The following GFRAL variants were observed in gnomAD, a reference collection of about 807,000 sequenced individuals.
The protein encoded by GFRAL is GDNF family receptor alpha-like.
GFRAL carries 36 observed loss-of-function variants against 45.4 expected under a neutral mutation model. The ratio of observed to expected loss-of-function variants is 0.79; its 90% CI spans 0.61 to 1.05. GFRAL has a LOEUF of 1.05. GFRAL is among the 50% of genes least tolerant of loss of function. GFRAL has a pLI of 0.00. For synonymous variants in GFRAL, 166 were observed against 154.1 expected, an observed-to-expected ratio of 1.08 and a Z score of -0.57; for missense variants, 507 against 467.5, an observed-to-expected ratio of 1.08 and a Z score of -0.78.
intron 6 of GFRAL, among the ~76,000 whole-genome samples, chr6:55,373,865 C>A (rs1441266758): frequency 6.6e-6 from 1 of 151,988 alleles, no homozygotes; most frequent in Non-Finnish European, 1.5e-5. Context: ...TTAAGCCCAG[C>A]ATCCATTAGC....
At chr6:55,373,076 C>T (rs1014063723) in intron 6 of GFRAL, among the ~76,000 whole-genome samples, 3 of 141,426 alleles carry the variant, frequency 2.1e-5, no homozygotes, top group South Asian at 2.2e-4. Flanking sequence ...GTATCAGGGA[C>T]AGCAAAACCT....
chr6:55,379,930 C>T (rs1241823142), intron 6 of GFRAL, among the ~76,000 whole-genome samples: 3 of 151,878 alleles, frequency 2.0e-5, no homozygotes, highest in Non-Finnish European at 4.4e-5. Flanking sequence ...TGGCATTTTT[C>T]GTTCAGCACA....
At chr6:55,356,025 CTGAT>C (rs35821482) in intron 5 of GFRAL, among the ~76,000 whole-genome samples, 23,584 of 151,650 alleles carry the variant, frequency 0.16, 2,878 homozygotes, top group East Asian at 0.39. Flanking sequence ...ATGTATCAAA[CTGAT>C]TGATTTTCAT....
At chr6:55,368,985 C>CGGCT (rs1004727221) in intron 6 of GFRAL, among the ~76,000 whole-genome samples, 36 of 152,022 alleles carry the variant, frequency 2.4e-4, no homozygotes, top group Non-Finnish European at 2.4e-4. Context: ...TGGAGCTTCC[C>CGGCT]GGCTGCTTTG....
At chr6:55,368,939 G>T (rs1205583454) in intron 6 of GFRAL, among the ~76,000 whole-genome samples, 4 of 152,100 alleles carry the variant, frequency 2.6e-5, no homozygotes, top group Admixed American at 6.6e-5. Flanking sequence ...ACAGAGGCAG[G>T]CAGGCCTCCT....
At chr6:55,342,576 C>A (rs187237451) in intron 3 of GFRAL, among the ~76,000 whole-genome samples, 1 of 152,196 alleles carries the variant, frequency 6.6e-6, no homozygotes, top group East Asian at 1.9e-4. Flanking sequence ...AAACTCATGC[C>A]AAATTGTAAA....
At chr6:55,329,274 G>A (rs1442654386) in intron 1 of GFRAL, among the ~76,000 whole-genome samples, 3 of 151,962 alleles carry the variant, frequency 2.0e-5, no homozygotes, top group Non-Finnish European at 4.4e-5. Context: ...CTATTAAGAA[G>A]CTTGTTCAAC....
chr6:55,340,774 C>T (rs907514317), intron 3 of GFRAL, among the ~76,000 whole-genome samples: 2 of 152,138 alleles, frequency 1.3e-5, no homozygotes, highest in Admixed American at 6.5e-5. Context: ...CCTTTACTAG[C>T]CAAGGGAAGT....
At chr6:55,335,896 T>G (rs1351692900) in intron 3 of GFRAL, among the ~76,000 whole-genome samples, 1 of 1,206 alleles carries the variant, frequency 8.3e-4, no homozygotes, top group Non-Finnish European at 6.3e-3. Flanking sequence ...TTTCTTTGTC[T>G]TTATTTTATT....
chr6:55,383,418 C>T (rs913729933), intron 6 of GFRAL, among the ~76,000 whole-genome samples: 7 of 151,930 alleles, frequency 4.6e-5, no homozygotes, highest in African/African-American at 1.7e-4. Flanking sequence ...AAAATTATAA[C>T]ATCGTATTTT....
intron 3 of GFRAL, among the ~76,000 whole-genome samples, chr6:55,341,084 T>C (rs114260248): frequency 0.063 from 9,629 of 152,260 alleles, 336 homozygotes; most frequent in South Asian, 0.17. Flanking sequence ...ATCTGTAGAC[T>C]CCACCTCTGT....
chr6:55,382,984 T>C (rs1309343592), intron 6 of GFRAL, among the ~76,000 whole-genome samples: 1 of 151,940 alleles, frequency 6.6e-6, no homozygotes, highest in Non-Finnish European at 1.5e-5. Context: ...ACATGTAATA[T>C]GGGTAGAAAA....
chr6:55,378,116 G>A (rs1369051600), intron 6 of GFRAL, among the ~76,000 whole-genome samples: 8 of 152,054 alleles, frequency 5.3e-5, no homozygotes, highest in Non-Finnish European at 1.0e-4. Context: ...GTATGCATGA[G>A]TGCTGAGTGG....
At chr6:55,340,610 G>A (rs186058120) in intron 3 of GFRAL, among the ~76,000 whole-genome samples, 34 of 152,226 alleles carry the variant, frequency 2.2e-4, no homozygotes, top group Non-Finnish European at 5.9e-5. Flanking sequence ...TGCAGAAGAC[G>A]AGTGATTTCC....
At chr6:55,398,466 T>A (rs922021187) in intron 6 of GFRAL, among the ~76,000 whole-genome samples, 1 of 152,226 alleles carries the variant, frequency 6.6e-6, no homozygotes, top group East Asian at 1.9e-4. Flanking sequence ...TTTAAAGTTA[T>A]TGATAAAAAT....
chr6:55,379,210 C>T (rs537158033), intron 6 of GFRAL, among the ~76,000 whole-genome samples: 61 of 151,864 alleles, frequency 4.0e-4, no homozygotes, highest in African/African-American at 1.4e-3. Flanking sequence ...AGGTTTGTTA[C>T]GTAGGTAAAC....
At chr6:55,342,131 C>T (rs1182512032) in intron 3 of GFRAL, among the ~76,000 whole-genome samples, 1 of 152,316 alleles carries the variant, frequency 6.6e-6, no homozygotes, top group African/African-American at 2.4e-5. Context: ...CTTCCCCAAT[C>T]TAGCAAGGCA....
At chr6:55,360,820 C>A (rs1271429304) in intron 6 of GFRAL, among the ~76,000 whole-genome samples, 1 of 151,700 alleles carries the variant, frequency 6.6e-6, no homozygotes, top group Non-Finnish European at 1.5e-5. Context: ...GTAATATATA[C>A]AGTTATATAA....
At chr6:55,365,246 T>C (rs912016780) in intron 6 of GFRAL, among the ~76,000 whole-genome samples, 4 of 143,780 alleles carry the variant, frequency 2.8e-5, no homozygotes, top group South Asian at 2.2e-4. Flanking sequence ...TGTTTGTCTG[T>C]TGTTGGTGTA....
Sources: gnomAD v4.1 joint callset for allele counts (sites outside exome capture counted in the v4.1 genomes callset) on GRCh38, gnomAD v4.1.1 for gene constraint, MANE v1.5 for transcripts, NCBI Gene and HGNC (gene_info 2026-07-23, HGNC 2026-07-21) for gene names.